The following AP1G1 variants were observed in gnomAD, a reference collection of about 807,000 sequenced individuals.
The protein encoded by AP1G1 is adaptor related protein complex 1 subunit gamma 1.
AP1G1 carries 7 observed loss-of-function variants against 108.3 expected under a neutral mutation model. The ratio of observed to expected loss-of-function variants is 0.06; its 90% CI spans 0.04 to 0.12. The LOEUF is 0.12. Ranked by LOEUF, AP1G1 falls within the 10% of genes least tolerant of loss-of-function variation. The probability of loss-of-function intolerance (pLI) is 1.00; values close to 1 mark genes in which losing one functional copy is unlikely to be tolerated. For missense variants in AP1G1, 756 were observed against 1,010.7 expected (o/e 0.75, Z 3.42); for synonymous variants, 379 against 353.5 (o/e 1.07, Z -0.81).
intron 22 of AP1G1, among the ~76,000 whole-genome samples, chr16:71,733,453 C>A (rs1343771985): frequency 2.6e-5 from 4 of 152,214 alleles, no homozygotes; most frequent in African/African-American, 9.7e-5. Flanking sequence ...CTTTTCTTTT[C>A]TTTTGAAACA....
At chr16:71,808,486 G>A (rs890787027) in intron 1 of AP1G1, 53 of 1,250,480 alleles carry the variant, frequency 4.2e-5, no homozygotes, top group Non-Finnish European at 4.8e-5. Context: ...GAAAGTCAAG[G>A]GTTCAAGGAG....
chr16:71,762,738 A>G (rs1470327522), intron 9 of AP1G1, among the ~76,000 whole-genome samples: 1 of 152,142 alleles, frequency 6.6e-6, no homozygotes, highest in Non-Finnish European at 1.5e-5. Flanking sequence ...CTGTTCATCT[A>G]TATCCTTTAT....
At chr16:71,798,017 A>AAATGAGGCCGGG (rs2032646970) in intron 1 of AP1G1, among the ~76,000 whole-genome samples, 1 of 152,224 alleles carries the variant, frequency 6.6e-6, no homozygotes, top group Non-Finnish European at 1.5e-5. Flanking sequence ...AAAATAAAAT[A>AAATGAGGCCGGG]CGTAGGAATA....
chr16:71,799,359 TTTG>T (rs1597090913), intron 1 of AP1G1, among the ~76,000 whole-genome samples: 1 of 152,222 alleles, frequency 6.6e-6, no homozygotes, highest in Non-Finnish European at 1.5e-5. Context: ...ATTGTAGCAC[TTTG>T]TTAAGTGGCA....
rs1263162595 is a variant in AP1G1, at chr16:71,730,560, T to C, written c.*2498A>G. ...GCAAGTATTCAAAGAAATTGAAACA[T>C]TTCTCCATTTAGCTGCAAGGCCAAG... On this transcript the variant is annotated 3_prime_UTR_variant, in exon 23 of 23. Transcript: ENST00000299980. 2.0e-5 allele frequency: 3 copies of C among 152,632 alleles called. No homozygotes were observed. Among genetic ancestry groups the C allele is most frequent in the Non-Finnish European group, 4.4e-5 (3 of 68,046 alleles). The allele number at this position is 152,632 out of a possible 1,614,324, so 9.5% of individuals were successfully genotyped here. A position where few individuals can be genotyped will look rare whatever the true frequency, so the allele number is the denominator to read the frequency against.
At chr16:71,790,130 A>G (rs535093070) in intron 1 of AP1G1, among the ~76,000 whole-genome samples, 1 of 152,148 alleles carries the variant, frequency 6.6e-6, no homozygotes, top group East Asian at 1.9e-4. Flanking sequence ...TAAGGGACAT[A>G]TAACAGCCTA....
intron 20 of AP1G1, 31 bp downstream of exon 20, chr16:71,739,203 C>A: frequency 1.2e-6 from 2 of 1,602,502 alleles, no homozygotes; most frequent in Non-Finnish European, 8.5e-7. Flanking sequence ...CTCAGTGCTC[C>A]ATGTAATGAT....
intron 1 of AP1G1, among the ~76,000 whole-genome samples, chr16:71,791,398 C>T (rs1380450797): frequency 6.6e-6 from 1 of 151,912 alleles, no homozygotes; most frequent in Non-Finnish European, 1.5e-5. Flanking sequence ...AGAATATATA[C>T]CTGAGAAAAT....
chr16:71,750,098 G>C, intron 14 of AP1G1, 112 bp downstream of exon 14: 1 of 1,476,308 alleles, frequency 6.8e-7, no homozygotes, highest in South Asian at 1.2e-5. Flanking sequence ...TAGAGTGTTA[G>C]AAATAAAGAC....
In AP1G1 at chr16:71,729,145, T is replaced by C. The variant is rs2045454841; in HGVS notation, c.*3913A>G. Reference sequence around the variant, plus strand: ...ATTCCTCACTCGCCTCTAAGACTTATCATTTAACTTTAAATTTTTTTTTTT... The same window carrying C: ...ATTCCTCACTCGCCTCTAAGACTTACCATTTAACTTTAAATTTTTTTTTTT... On this transcript the variant is annotated 3_prime_UTR_variant, in exon 23 of 23. Transcript: ENST00000299980. 7.3e-6 allele frequency: 1 copy of C among 137,752 alleles called. No homozygotes were observed. Among genetic ancestry groups the C allele is most frequent in the Admixed American group, 7.5e-5 (1 of 13,380 alleles). The allele number at this position is 137,752 out of a possible 1,614,324, so 8.5% of individuals were successfully genotyped here.
chr16:71,737,710 A>C (rs886291502), intron 21 of AP1G1, among the ~76,000 whole-genome samples: 2 of 152,290 alleles, frequency 1.3e-5, no homozygotes, highest in Non-Finnish European at 2.9e-5. Flanking sequence ...CCACAAACAA[A>C]GAAAACATCC....
At position 71,745,533 on chromosome 16, in the gene AP1G1, C is replaced by G. The variant is rs750991172; in HGVS notation, c.1812G>C (p.Glu604Asp). 13 of 1,614,050 alleles carry G rather than the reference C, an allele frequency of 8.1e-6. No homozygotes were observed. Among genetic ancestry groups the G allele is most frequent in the Non-Finnish European group, 3.4e-6 (4 of 1,180,036 alleles). ...GPTEIVQTNG[E>D]TEPAPLETKP... ...TGGTCTCTAGTGGAGCTGGTTCTGT[C>G]TCTCCATTTGTCTGCACAATCTCAG... The change falls in exon 18 of 23, where the codon GAG (glutamate) becomes GAC (aspartate). Residue 604 changes from glutamate (E) to aspartate (D), a missense_variant. Around this residue, in one of 3 missense-constraint regions of AP1G1, gnomAD observed 357 missense variants for 366.5 expected, o/e 0.97. Coordinates refer to ENST00000299980, the MANE Select transcript of AP1G1 (RefSeq NM_001128.6).
intron 10 of AP1G1, among the ~76,000 whole-genome samples, chr16:71,760,610 T>A (rs2031040189): frequency 6.6e-6 from 1 of 151,236 alleles, no homozygotes; most frequent in South Asian, 2.1e-4. Context: ...AGTGGCATGA[T>A]CACAGCTCAC....
At chr16:71,749,486 A>G (rs2030369589) in intron 15 of AP1G1, among the ~76,000 whole-genome samples, 1 of 151,974 alleles carries the variant, frequency 6.6e-6, no homozygotes, top group South Asian at 2.1e-4. Flanking sequence ...TCTATTAAAA[A>G]AAAAAAAACA....
At chr16:71,740,991 A>G (rs1006799631) in intron 19 of AP1G1, among the ~76,000 whole-genome samples, 4 of 152,220 alleles carry the variant, frequency 2.6e-5, no homozygotes, top group Non-Finnish European at 4.4e-5. Flanking sequence ...AAAGAAATAG[A>G]TTACCATTCT....
intron 1 of AP1G1, among the ~76,000 whole-genome samples, chr16:71,794,040 A>G (rs894303722): frequency 3.3e-5 from 5 of 152,190 alleles, no homozygotes; most frequent in African/African-American, 9.6e-5. Flanking sequence ...TTATAAAAAG[A>G]CCTTGATTCT....
At chr16:71,803,588 G>C (rs986569242) in intron 1 of AP1G1, among the ~76,000 whole-genome samples, 1 of 151,994 alleles carries the variant, frequency 6.6e-6, no homozygotes, top group Admixed American at 6.6e-5. Flanking sequence ...GCCATATTAA[G>C]TGTATTGTGT....
rs768264077 is a variant in AP1G1, at chr16:71,771,126, T to C, written c.565+30A>G. ...TTTTCTCTTTCCCTTTCTCCCTCAA[T>C]ACTTCATGAATACATCCAAATTACA... On this transcript the variant is annotated intron_variant, in intron 5 of 22. Coordinates refer to ENST00000299980, the MANE Select transcript of AP1G1 (RefSeq NM_001128.6). 8 of 1,373,804 alleles carry C rather than the reference T, an allele frequency of 5.8e-6. No homozygotes were observed. In the South Asian group the frequency reaches 7.1e-5, roughly 12 times the overall value. 85.1% of individuals were successfully genotyped at this position (1,373,804 alleles called of 1,614,324 possible). A position where few individuals can be genotyped will look rare whatever the true frequency, so the allele number is the denominator to read the frequency against.
intron 11 of AP1G1, 107 bp from the exon 12 acceptor site, chr16:71,756,266 G>A (rs980979643): frequency 1.9e-5 from 17 of 876,342 alleles, no homozygotes; most frequent in South Asian, 1.1e-4. Context: ...ATGTGCTGAC[G>A]TCCTTGCACG....
Sources: allele counts gnomAD v4.1 joint callset (sites outside exome capture counted in the v4.1 genomes callset), GRCh38; gene constraint gnomAD v4.1.1; regional missense constraint gnomAD v4.1.1; transcripts MANE v1.5; gene names NCBI Gene and HGNC (gene_info 2026-07-23, HGNC 2026-07-21).